The following CDC42BPA variants were observed in gnomAD, a reference collection of about 807,000 sequenced individuals.
CDC42BPA encodes the protein serine/threonine-protein kinase MRCK alpha.
In CDC42BPA, 80 loss-of-function variants were observed where a neutral mutation model predicts 223.5. The observed-to-expected ratio is 0.36, with a 90% CI of 0.30 to 0.43. CDC42BPA has a LOEUF of 0.43. Ranked by LOEUF, CDC42BPA falls within the 20% of genes least tolerant of loss-of-function variation. The pLI is 1.00. For missense variants in CDC42BPA, 1,743 were observed against 2,099.9 expected, an observed-to-expected ratio of 0.83 and a Z score of 3.32; for synonymous variants, 694 against 718.6, an observed-to-expected ratio of 0.97 and a Z score of 0.55.
chr1:227,039,395 A>G (rs10916079), intron 24 of CDC42BPA, among the ~76,000 whole-genome samples: 21,322 of 152,138 alleles, frequency 0.14, 1,898 homozygotes, highest in South Asian at 0.34. Flanking sequence ...CCCCTCATAT[A>G]AGGTAGTGTT....
chr1:227,063,041 C>T (rs1225155698), intron 21 of CDC42BPA, among the ~76,000 whole-genome samples: 1 of 152,124 alleles, frequency 6.6e-6, no homozygotes, highest in Non-Finnish European at 1.5e-5. Flanking sequence ...GATACTATCA[C>T]CACAGCAATG....
chr1:227,046,140 C>T (rs187253868), intron 23 of CDC42BPA, among the ~76,000 whole-genome samples: 1 of 152,176 alleles, frequency 6.6e-6, no homozygotes, highest in East Asian at 1.9e-4. Context: ...TTTGAAATGT[C>T]TACTGACTGT....
intron 9 of CDC42BPA, among the ~76,000 whole-genome samples, chr1:227,140,871 T>C (rs1233345030): frequency 1.3e-5 from 2 of 152,114 alleles, no homozygotes; most frequent in East Asian, 3.9e-4. Flanking sequence ...CAGCAAATCT[T>C]TGGGAGAACA....
intron 32 of CDC42BPA, 43 bp downstream of exon 32, chr1:227,023,220 A>G (rs1184574161): frequency 1.0e-6 from 1 of 954,528 alleles, no homozygotes; most frequent in African/African-American, 1.7e-5. Flanking sequence ...TAGAAATAAT[A>G]TTTCCAATGA....
chr1:227,184,654 T>A (rs1304154092), intron 5 of CDC42BPA, among the ~76,000 whole-genome samples: 14 of 152,170 alleles, frequency 9.2e-5, no homozygotes, highest in South Asian at 8.3e-4. Flanking sequence ...CCAGTTCTAT[T>A]GCCTTTCCAT....
At chr1:227,254,633 A>C (rs1682738846) in intron 1 of CDC42BPA, among the ~76,000 whole-genome samples, 1 of 152,234 alleles carries the variant, frequency 6.6e-6, no homozygotes, top group Admixed American at 6.5e-5. Context: ...GCATGGTGGC[A>C]ATGACTGGAG....
intron 10 of CDC42BPA, among the ~76,000 whole-genome samples, chr1:227,131,020 T>C (rs1232819459): frequency 6.6e-6 from 1 of 152,198 alleles, no homozygotes. Flanking sequence ...AAATGACCAT[T>C]TCCTGCTTAT....
In CDC42BPA at chr1:227,201,381, C is replaced by T. The variant is rs563582114; in HGVS notation, c.355-1729G>A. 2.0e-5 allele frequency among the ~76,000 whole-genome samples: 3 copies of T among 152,184 alleles called. No individual in the cohort carries two copies. The East Asian group carries it at 5.8e-4, about 29-fold the overall frequency. On this transcript the variant is annotated intron_variant, in intron 3 of 36. Transcript: ENST00000366766. Reference sequence around the variant, plus strand: ...CAGGTTGGTCTCATACTACTGGGCTCAAGCAATCTTCCAGCCCCCTCAAAG... The same window carrying T: ...CAGGTTGGTCTCATACTACTGGGCTTAAGCAATCTTCCAGCCCCCTCAAAG...
At chr1:227,204,513 T>A (rs890348883) in intron 3 of CDC42BPA, among the ~76,000 whole-genome samples, 2 of 152,140 alleles carry the variant, frequency 1.3e-5, no homozygotes, top group Admixed American at 1.3e-4. Flanking sequence ...GCAAGGAGTT[T>A]AATTTAGGGA....
In CDC42BPA at chr1:227,148,772, C is replaced by CAAA. The variant is rs57635319; in HGVS notation, c.694-1216_694-1214dup. Among the ~76,000 whole-genome samples, 235 of 78,758 alleles carry CAAA rather than the reference C, an allele frequency of 3.0e-3. 3 individuals carry two copies. Among genetic ancestry groups the CAAA allele is most frequent in the African/African-American group, 0.011 (188 of 17,824 alleles). 51.7% of individuals were successfully genotyped at this position (78,758 alleles called of 152,430 possible). On this transcript the variant is annotated intron_variant, in intron 6 of 36. Transcript: ENST00000366766. The stretch of plus-strand genomic sequence containing the variant: ...ACAGAGCAAGACTCGGTCTCAAAAG[C>CAAA]AAAAAAAAAAAAAAAAAAAAAAAAA...
intron 2 of CDC42BPA, among the ~76,000 whole-genome samples, chr1:227,236,193 G>A (rs1397057981): frequency 6.6e-6 from 1 of 152,170 alleles, no homozygotes; most frequent in African/African-American, 2.4e-5. Context: ...AAACAAAACT[G>A]GGTGGTCCCT....
chr1:227,160,712 GA>G, intron 5 of CDC42BPA, 76 bp from the exon 6 acceptor site: 1 of 797,734 alleles, frequency 1.3e-6, no homozygotes, highest in Non-Finnish European at 2.0e-6. Context: ...CTTTTTGTCA[GA>G]AAAAAATCTC....
intron 5 of CDC42BPA, among the ~76,000 whole-genome samples, chr1:227,167,183 G>T (rs992463718): frequency 7.2e-5 from 11 of 151,974 alleles, no homozygotes; most frequent in Non-Finnish European, 1.3e-4. Flanking sequence ...AATAATGAAG[G>T]TCATAAGTAT....
chr1:227,202,356 C>A (rs1364151705), intron 3 of CDC42BPA, among the ~76,000 whole-genome samples: 1 of 152,118 alleles, frequency 6.6e-6, no homozygotes, highest in African/African-American at 2.4e-5. Flanking sequence ...ATGATTTAAC[C>A]AACCTGAGGT....
chr1:227,300,191 A>G (rs1691373829), intron 1 of CDC42BPA, among the ~76,000 whole-genome samples: 1 of 152,190 alleles, frequency 6.6e-6, no homozygotes, highest in African/African-American at 2.4e-5. Flanking sequence ...ATGTGGTGAA[A>G]AGCGAACACT....
chr1:227,276,280 T>TA (rs1687009869), intron 1 of CDC42BPA, among the ~76,000 whole-genome samples: 2 of 148,934 alleles, frequency 1.3e-5, no homozygotes, highest in African/African-American at 5.0e-5. Flanking sequence ...GAGGAGCGTC[T>TA]CTGCCCGACT....
chr1:227,287,228 C>T (rs1002553436), intron 1 of CDC42BPA, among the ~76,000 whole-genome samples: 5 of 152,154 alleles, frequency 3.3e-5, no homozygotes, highest in Admixed American at 2.6e-4. Flanking sequence ...AGTACTGTTT[C>T]GTATTGTGCG....
At chr1:227,260,074 C>A (rs1268233996) in intron 1 of CDC42BPA, among the ~76,000 whole-genome samples, 1 of 149,718 alleles carries the variant, frequency 6.7e-6, no homozygotes, top group Non-Finnish European at 1.5e-5. Flanking sequence ...AATATAAATT[C>A]CTGAATATTA....
At chr1:227,185,806 C>T (rs1189696609) in intron 5 of CDC42BPA, among the ~76,000 whole-genome samples, 1 of 150,908 alleles carries the variant, frequency 6.6e-6, no homozygotes, top group Non-Finnish European at 1.5e-5. Context: ...CTCCACTCAT[C>T]AGAGCCGTAT....
Sources: gnomAD v4.1 joint callset for allele counts (sites outside exome capture counted in the v4.1 genomes callset) on GRCh38, gnomAD v4.1.1 for gene constraint, MANE v1.5 for transcripts, NCBI Gene and HGNC (gene_info 2026-07-23, HGNC 2026-07-21) for gene names.